Variants in EXOC1L observed in about 807,000 individuals in gnomAD.
EXOC1L encodes exocyst complex component 1 like.
A neutral mutation model predicts 4.9 loss-of-function variants in EXOC1L; 10 were observed. The ratio of observed to expected loss-of-function variants is 2.02; its 90% CI spans 1.25 to 3.43. The LOEUF is 3.43. Among genes scored for constraint, EXOC1L ranks in the 30% most tolerant of loss-of-function variants. The pLI is 0.00. For synonymous variants in EXOC1L, 41 were observed against 20.8 expected (o/e 1.97, Z -2.63); for missense variants, 114 against 59.4 (o/e 1.92, Z -3.02).
intron 1 of EXOC1L, among the ~76,000 whole-genome samples, chr4:55,828,873 A>G (rs1719955709): frequency 6.6e-6 from 1 of 152,040 alleles, no homozygotes; most frequent in Non-Finnish European, 1.5e-5. Flanking sequence ...AAACAAACAA[A>G]CAAATGACGA....
chr4:55,828,988 G>A (rs1719958375), intron 1 of EXOC1L, among the ~76,000 whole-genome samples: 1 of 152,108 alleles, frequency 6.6e-6, no homozygotes, highest in African/African-American at 2.4e-5. Flanking sequence ...ATAATTTGTG[G>A]CTACTTCAAC....
intron 1 of EXOC1L, among the ~76,000 whole-genome samples, chr4:55,830,750 A>G (rs914115208): frequency 6.6e-5 from 10 of 152,308 alleles, no homozygotes; most frequent in Non-Finnish European, 7.4e-5. Context: ...CACACTTGAG[A>G]GGATTACAAT....
chr4:55,832,365 T>A (rs1375120450), intron 2 of EXOC1L, among the ~76,000 whole-genome samples: 2 of 152,080 alleles, frequency 1.3e-5, no homozygotes, highest in Non-Finnish European at 2.9e-5. Context: ...TAGTCTTCAT[T>A]TGGCCTATTG....
intron 1 of EXOC1L, among the ~76,000 whole-genome samples, chr4:55,830,791 C>T (rs1720010167): frequency 6.6e-6 from 1 of 152,180 alleles, no homozygotes; most frequent in African/African-American, 2.4e-5. Context: ...TTAACAATAG[C>T]TGTGATGCAA....
chr4:55,825,266 T>A (rs970949297), intron 1 of EXOC1L, among the ~76,000 whole-genome samples: 1 of 152,214 alleles, frequency 6.6e-6, no homozygotes, highest in African/African-American at 2.4e-5. Context: ...CCACAGGTCA[T>A]AAATCTGATT....
At chr4:55,820,215 AT>A (rs57910283) in intron 1 of EXOC1L, 68 bp downstream of exon 1, 24,183 of 287,944 alleles carry the variant, frequency 0.084, 2 homozygotes, top group Middle Eastern at 0.13. Context: ...GATAGAGGGA[AT>A]TTTTTTTTTT....
intron 2 of EXOC1L, among the ~76,000 whole-genome samples, chr4:55,836,193 C>A (rs1170801670): frequency 2.0e-5 from 3 of 151,794 alleles, no homozygotes; most frequent in Non-Finnish European, 3.0e-5. Context: ...GAGTCCTCTG[C>A]CTATTTGTTA....
intron 2 of EXOC1L, among the ~76,000 whole-genome samples, chr4:55,835,259 A>G (rs548559016): frequency 3.3e-5 from 5 of 151,478 alleles, no homozygotes; most frequent in South Asian, 4.2e-4. Flanking sequence ...TTGTTGGTTG[A>G]TGGGCATTTG....
intron 1 of EXOC1L, among the ~76,000 whole-genome samples, chr4:55,827,322 C>T (rs1236515248): frequency 2.0e-5 from 3 of 152,168 alleles, no homozygotes; most frequent in Non-Finnish European, 4.4e-5. Context: ...CTGCTAACTT[C>T]TACTGCCATT....
At chr4:55,835,502 A>G (rs1421125927) in intron 2 of EXOC1L, among the ~76,000 whole-genome samples, 1 of 152,006 alleles carries the variant, frequency 6.6e-6, no homozygotes, top group Non-Finnish European at 1.5e-5. Context: ...TTTTCACCAC[A>G]TCCATGCCAA....
At chr4:55,827,760 T>C (rs12647019) in intron 1 of EXOC1L, among the ~76,000 whole-genome samples, 6,140 of 152,282 alleles carry the variant, frequency 0.04, 175 homozygotes, top group Admixed American at 0.083. Flanking sequence ...CCTTTGGTTC[T>C]GGGGTACAGC....
At chr4:55,834,078 G>T (rs1720102009) in intron 2 of EXOC1L, among the ~76,000 whole-genome samples, 1 of 151,640 alleles carries the variant, frequency 6.6e-6, no homozygotes, top group South Asian at 2.1e-4. Flanking sequence ...TTACATGATT[G>T]CATTTAATTT....
chr4:55,831,781 T>C (rs1278249800), intron 2 of EXOC1L, among the ~76,000 whole-genome samples: 2 of 152,078 alleles, frequency 1.3e-5, no homozygotes, highest in Admixed American at 6.6e-5. Context: ...TACCATCACT[T>C]TCTCCCCACC....
At chr4:55,823,714 C>T (rs201938894) in intron 1 of EXOC1L, among the ~76,000 whole-genome samples, 51 of 72,442 alleles carry the variant, frequency 7.0e-4, no homozygotes, top group East Asian at 2.5e-3. Context: ...TTTGTTTGTT[C>T]GTTTGTTTGT....
intron 2 of EXOC1L, among the ~76,000 whole-genome samples, chr4:55,836,058 C>G (rs1720151978): frequency 6.6e-6 from 1 of 151,856 alleles, no homozygotes; most frequent in Non-Finnish European, 1.5e-5. Context: ...CTTTAAAATT[C>G]ATCCTCTATT....
intron 1 of EXOC1L, among the ~76,000 whole-genome samples, chr4:55,830,591 G>C (rs1252678598): frequency 6.6e-6 from 1 of 151,554 alleles, no homozygotes; most frequent in Non-Finnish European, 1.5e-5. Context: ...TCTGATGTGT[G>C]TATATAAGAC....
intron 2 of EXOC1L, among the ~76,000 whole-genome samples, chr4:55,832,338 A>C (rs1348470630): frequency 6.6e-6 from 1 of 152,062 alleles, no homozygotes; most frequent in Non-Finnish European, 1.5e-5. Flanking sequence ...ATTTATTCTT[A>C]ATCTTAATAA....
At position 55,820,092 on chromosome 4, in the gene EXOC1L, C is replaced by T. The variant is rs1308743200; in HGVS notation, c.66C>T (p.Tyr22=). 7 of 399,006 alleles carry T rather than the reference C, an allele frequency of 1.8e-5. No individual in the cohort carries two copies. The East Asian group carries it at 2.5e-4, about 14-fold the overall frequency. 24.7% of individuals were successfully genotyped at this position (399,006 alleles called of 1,614,324 possible). The change falls in exon 1 of 3, where the codon TAC becomes TAT. Residue 22 remains tyrosine (Y), a synonymous_variant. Coordinates refer to ENST00000636125, the MANE Select transcript of EXOC1L (RefSeq NM_001351574.3). ...TTAAGCCACTCTCGCAGAATCTGTA[C>T]GAGTTTATTGAAATAGAGTTCTCCG... The part of the protein sequence containing the change: ...KLFKPLSQNL[Y]EFIEIEFSVQ...
intron 1 of EXOC1L, among the ~76,000 whole-genome samples, chr4:55,829,166 T>C (rs533634742): frequency 6.6e-6 from 1 of 152,316 alleles, no homozygotes; most frequent in East Asian, 1.9e-4. Context: ...CCACATCCCA[T>C]GCCCAGGTTA....
Sources: gnomAD v4.1 joint callset for allele counts (sites outside exome capture counted in the v4.1 genomes callset) on GRCh38, gnomAD v4.1.1 for gene constraint, MANE v1.5 for transcripts, NCBI Gene and HGNC (gene_info 2026-07-23, HGNC 2026-07-21) for gene names.